Variants in PTPRD observed in about 807,000 individuals in gnomAD.
PTPRD encodes the protein protein tyrosine phosphatase receptor type D, also known as receptor-type tyrosine-protein phosphatase delta.
PTPRD carries 34 observed loss-of-function variants against 214.5 expected under a neutral mutation model. The ratio of observed to expected loss-of-function variants is 0.16; its 90% CI spans 0.12 to 0.21. The LOEUF is 0.21. Ranked by LOEUF, PTPRD falls within the 10% of genes least tolerant of loss-of-function variation. The pLI is 1.00. For missense variants in PTPRD, 2,545 were observed against 2,398.7 expected (o/e 1.06, Z -1.27); for synonymous variants, 1,128 against 845.7 (o/e 1.33, Z -5.79).
chr9:9,628,368 C>T (rs548276954), intron 7 of PTPRD, among the ~76,000 whole-genome samples: 39 of 152,222 alleles, frequency 2.6e-4, no homozygotes, highest in Admixed American at 2.4e-3. Context: ...CAATCAATTG[C>T]CAGGTTCCCT....
rs774092943 is a variant in PTPRD at position 10,340,544 on chromosome 9, A to G, written c.-545+419T>C. 1.3e-4 allele frequency among the ~76,000 whole-genome samples: 20 copies of G among 152,054 alleles called. 1 individual carries two copies. Among genetic ancestry groups the G allele is most frequent in the Middle Eastern group, 3.4e-3 (1 of 294 alleles). On this transcript the variant is annotated intron_variant, in intron 3 of 45. Coordinates refer to ENST00000381196, the MANE Select transcript of PTPRD (RefSeq NM_002839.4). ...TCAAAGTCAGAAATATTCAGAATTAAAAACTAGCTCAGATATTAAATAGCC... is the reference window on the plus strand; with the variant it reads ...TCAAAGTCAGAAATATTCAGAATTAGAAACTAGCTCAGATATTAAATAGCC...
At chr9:9,533,474 T>C (rs1038231108) in intron 8 of PTPRD, among the ~76,000 whole-genome samples, 13 of 152,260 alleles carry the variant, frequency 8.5e-5, no homozygotes, top group African/African-American at 3.1e-4. Flanking sequence ...CTCTGGGTTT[T>C]ATTTTTGTTT....
intron 11 of PTPRD, among the ~76,000 whole-genome samples, chr9:8,975,097 C>CAAAAAA (rs35644783): frequency 8.6e-6 from 1 of 116,430 alleles, no homozygotes; most frequent in African/African-American, 3.2e-5. Flanking sequence ...AACTCTGTCT[C>CAAAAAA]AAAAAAAAAA....
chr9:9,191,256 A>T (rs544130334), intron 9 of PTPRD, among the ~76,000 whole-genome samples: 2 of 152,140 alleles, frequency 1.3e-5, no homozygotes, highest in Non-Finnish European at 2.9e-5. Flanking sequence ...CGCTTACGAC[A>T]GAGACTACTG....
At chr9:10,047,642 A>G (rs1240941902) in intron 3 of PTPRD, among the ~76,000 whole-genome samples, 2 of 152,056 alleles carry the variant, frequency 1.3e-5, no homozygotes, top group Non-Finnish European at 2.9e-5. Flanking sequence ...CTCTATAACT[A>G]TGTAAACATT....
rs80310903 is a variant in PTPRD, at chr9:10,388,956, T to A, written c.-599-47939A>T. Among the ~76,000 whole-genome samples the A allele has an allele frequency of 1.1e-4, 17 of 151,926 alleles. No individual in the cohort carries two copies. The East Asian group carries it at 3.3e-3, about 30-fold the overall frequency. On this transcript the variant is annotated intron_variant, in intron 2 of 45. Transcript: ENST00000381196. ...ACATCAAATGAAATTGTATAGAAGT[T>A]GAAAGATTTAATCAAGAAAAATAAT...
intron 2 of PTPRD, among the ~76,000 whole-genome samples, chr9:10,381,588 G>A (rs1314879744): frequency 6.6e-6 from 1 of 151,974 alleles, no homozygotes; most frequent in Non-Finnish European, 1.5e-5. Context: ...GTTTCTGTTA[G>A]TCTAACCTGT....
intron 20 of PTPRD, among the ~76,000 whole-genome samples, chr9:8,519,959 C>A (rs1330530118): frequency 1.3e-5 from 2 of 152,112 alleles, no homozygotes; most frequent in Non-Finnish European, 2.9e-5. Context: ...AATATTTACA[C>A]ACTACTCAAA....
At chr9:10,255,672 T>C (rs1484990035) in intron 3 of PTPRD, among the ~76,000 whole-genome samples, 13 of 152,240 alleles carry the variant, frequency 8.5e-5, no homozygotes, top group Non-Finnish European at 1.9e-4. Context: ...TTTTTGACTT[T>C]ATAAACTTTT....
intron 11 of PTPRD, among the ~76,000 whole-genome samples, chr9:8,941,883 G>T (rs925649132): frequency 1.3e-5 from 2 of 152,138 alleles, no homozygotes; most frequent in Non-Finnish European, 2.9e-5. Context: ...TTGGCTCACT[G>T]CAACCTCCGC....
At chr9:10,289,023 G>GTTTTTTTTTTTTTTTTTTTTTT (rs5896383) in intron 3 of PTPRD, among the ~76,000 whole-genome samples, 1 of 145,860 alleles carries the variant, frequency 6.9e-6, no homozygotes, top group African/African-American at 2.5e-5. Context: ...AAGATGGAGA[G>GTTTTTTTTTTTTTTTTTTTTTT]TTTTTTTTTT....
intron 3 of PTPRD, among the ~76,000 whole-genome samples, chr9:10,046,517 G>A (rs2097399731): frequency 6.6e-6 from 1 of 151,758 alleles, no homozygotes; most frequent in Non-Finnish European, 1.5e-5. Flanking sequence ...CTAGGCACAT[G>A]TCACTCTGAA....
chr9:10,085,501 G>A (rs1239404090), intron 3 of PTPRD, among the ~76,000 whole-genome samples: 1 of 151,790 alleles, frequency 6.6e-6, no homozygotes, highest in Admixed American at 6.6e-5. Flanking sequence ...ATCTTTTTGT[G>A]TTGAGAAATA....
At chr9:9,258,090 G>GAGAAAGAT (rs1555116286) in intron 9 of PTPRD, among the ~76,000 whole-genome samples, 1 of 148,250 alleles carries the variant, frequency 6.7e-6, no homozygotes, top group African/African-American at 2.5e-5. Context: ...TGAATGGATA[G>GAGAAAGAT]AGATAGATAG....
intron 7 of PTPRD, among the ~76,000 whole-genome samples, chr9:9,733,396 A>G (rs1029110895): frequency 6.6e-6 from 1 of 152,170 alleles, no homozygotes; most frequent in Non-Finnish European, 1.5e-5. Flanking sequence ...TTTGTGTGCA[A>G]TAATTCTGTT....
intron 3 of PTPRD, among the ~76,000 whole-genome samples, chr9:10,162,462 A>C (rs1355964689): frequency 6.6e-6 from 1 of 151,018 alleles, no homozygotes; most frequent in South Asian, 2.1e-4. Context: ...CATATATCAC[A>C]TATTCTCACT....
At chr9:9,868,471 T>G (rs1276222398) in intron 5 of PTPRD, among the ~76,000 whole-genome samples, 6 of 151,980 alleles carry the variant, frequency 3.9e-5, no homozygotes, top group African/African-American at 1.4e-4. Context: ...AAAGTAGAAT[T>G]TAAAGACATT....
At chr9:8,668,611 T>C (rs190546926) in intron 12 of PTPRD, among the ~76,000 whole-genome samples, 303 of 152,252 alleles carry the variant, frequency 2.0e-3, no homozygotes, top group Non-Finnish European at 3.7e-3. Context: ...ATGTCAATTA[T>C]ATAAAGAGAT....
chr9:10,251,095 C>A (rs1332974877), intron 3 of PTPRD, among the ~76,000 whole-genome samples: 3 of 151,968 alleles, frequency 2.0e-5, no homozygotes, highest in Non-Finnish European at 4.4e-5. Context: ...GTCCATATAG[C>A]AATATCAAAT....
Sources: gnomAD v4.1 joint callset for allele counts (sites outside exome capture counted in the v4.1 genomes callset) on GRCh38, gnomAD v4.1.1 for gene constraint, MANE v1.5 for transcripts, NCBI Gene and HGNC (gene_info 2026-07-23, HGNC 2026-07-21) for gene names.